Variants in TMEM94 observed in about 807,000 individuals in gnomAD.
The protein encoded by TMEM94 is transmembrane protein 94, also known as ER Mg2+ ATPase.
TMEM94 carries 81 observed loss-of-function variants against 158.6 expected under a neutral mutation model. The observed-to-expected ratio is 0.51, with a 90% CI of 0.43 to 0.61. The LOEUF (loss-of-function observed/expected upper bound fraction) is 0.61. TMEM94 is among the 20% of genes least tolerant of loss of function. TMEM94 has a pLI of 0.00. For synonymous variants in TMEM94, 751 were observed against 730.7 expected (o/e 1.03, Z -0.45); for missense variants, 1,435 against 1,762.0 (o/e 0.81, Z 3.32).
At chr17:75,463,008 TAAAAAAAAAAAAAAA>T (rs1217028321) in intron 1 of TMEM94, among the ~76,000 whole-genome samples, 1 of 5,684 alleles carries the variant, frequency 1.8e-4, no homozygotes, top group African/African-American at 1.9e-3. Context: ...ATAAAAAAAG[TAAAAAAAAAAAAAAA>T]AAAAAAAAAA....
intron 2 of TMEM94, among the ~76,000 whole-genome samples, chr17:75,473,588 C>T (rs2050571931): frequency 6.6e-6 from 1 of 152,182 alleles, no homozygotes; most frequent in South Asian, 2.1e-4. Context: ...TCTCTCCAGC[C>T]TGAGGAAGAA....
At position 75,462,013 on chromosome 17, in the gene TMEM94, T is replaced by G. The variant is rs1488124510; in HGVS notation, c.-107+5262T>G. Reference sequence around the variant, plus strand: ...TTTTTTTTGTTTTGTTTTGTTTTGTTTTTTTTTTTTTTGAGGCAGAGTCTT... The same window carrying G: ...TTTTTTTTGTTTTGTTTTGTTTTGTGTTTTTTTTTTTTGAGGCAGAGTCTT... On this transcript the variant is annotated intron_variant, in intron 1 of 31. Coordinates refer to ENST00000314256, the MANE Select transcript of TMEM94 (RefSeq NM_014738.6). Among the ~76,000 whole-genome samples the G allele has an allele frequency of 2.2e-4, 27 of 121,916 alleles. 1 individual carries two copies. The highest frequency in any genetic ancestry group is 7.6e-4 in the African/African-American group (26 of 34,366). The allele number at this position is 121,916 out of a possible 152,430, so 80.0% of individuals were successfully genotyped here.
At chr17:75,483,673 C>T (rs1042345150) in intron 2 of TMEM94, among the ~76,000 whole-genome samples, 1 of 151,954 alleles carries the variant, frequency 6.6e-6, no homozygotes, top group African/African-American at 2.4e-5. Flanking sequence ...TTGGCCTGGC[C>T]AGGCTGGTCT....
chr17:75,491,363 G>C lies in TMEM94; in HGVS notation c.1294G>C (p.Val432Leu). ...LSWPNPSPET[V>L]LFFSGKVEPP... ...ATGGCCAAATCCCAGCCCAGAGACTGTACTGTTCTTCAGCGGGAAGGTGGA... is the reference window on the plus strand; with the variant it reads ...ATGGCCAAATCCCAGCCCAGAGACTCTACTGTTCTTCAGCGGGAAGGTGGA... The change falls in exon 13 of 32, where the codon GTA becomes CTA. Residue 432 changes from valine (V) to leucine (L), a missense_variant. Around this residue, in one of 3 missense-constraint regions of TMEM94, gnomAD observed 1,051 missense variants for 1,254.4 expected, o/e 0.84. Transcript: ENST00000314256. The surrounding 1 kb of genome is among the most constrained non-coding windows in gnomAD (Gnocchi z 5.1). The C allele has an allele frequency of 6.2e-7, 1 of 1,614,158 alleles. No homozygotes were observed. Among genetic ancestry groups the C allele is most frequent in the Non-Finnish European group, 8.5e-7 (1 of 1,180,030 alleles).
chr17:75,457,467 C>T, intron 1 of TMEM94: 1 of 152,224 alleles, frequency 6.6e-6, no homozygotes, highest in South Asian at 2.1e-4. Flanking sequence ...CAAAGCCCCG[C>T]TCTTTCATTG....
At position 75,495,574 on chromosome 17, in the gene TMEM94, C is replaced by G. The variant is rs376274291; in HGVS notation, c.2875C>G (p.Arg959Gly). 1.1e-5 allele frequency: 17 copies of G among 1,613,542 alleles called. 1 individual carries two copies. The East Asian group carries it at 3.6e-4, about 34-fold the overall frequency. The change falls in exon 22 of 32, where the codon CGG (arginine) becomes GGG (glycine). Residue 959 changes from arginine (R) to glycine (G), a missense_variant. By Grantham distance (125) the Arg-to-Gly change is moderately radical. Transcript: ENST00000314256. This position sits in a 1 kb window ranked among gnomAD's most constrained non-coding sequence, Gnocchi z 5.6. ...GCTGCCCCGGGGTATCCACCAAGTG[C>G]GGCCCCACCTGCAGAACATTGACAA... ...AKLPRGIHQV[R>G]PHLQNIDNVP...
intron 2 of TMEM94, among the ~76,000 whole-genome samples, chr17:75,480,239 C>G (rs1343294914): frequency 6.6e-6 from 1 of 152,234 alleles, no homozygotes; most frequent in Non-Finnish European, 1.5e-5. Context: ...GCCCAGAACG[C>G]TGGGTCCTCA....
At position 75,491,811 on chromosome 17, in the gene TMEM94, C is replaced by G. The variant is rs1218540093; in HGVS notation, c.1507C>G (p.His503Asp). 1 of 1,614,000 alleles carries G rather than the reference C, an allele frequency of 6.2e-7. No homozygotes were observed. The highest frequency in any genetic ancestry group is 8.5e-7 in the Non-Finnish European group (1 of 1,180,054). The change falls in exon 14 of 32, where the codon CAC becomes GAC. Residue 503 changes from histidine to aspartate, a missense_variant. Physicochemically the swap from His to Asp is moderately conservative, Grantham distance 81. Transcript: ENST00000314256. The surrounding 1 kb of genome is among the most constrained non-coding windows in gnomAD (Gnocchi z 5.1). ...APKPPEPYSH[H>D]KAHGRSKHPS... ...CAAGCCCCCCGAGCCCTATTCACAC[C>G]ACAAAGCGCATGGCCGCAGCAAACA...
Position 75,493,847 on chromosome 17 carries a change from A to T in TMEM94, c.2338A>T (p.Thr780Ser), listed in dbSNP as rs758655799. ...GGTGCCCGGCCAAAGCAGCATCTTC[A>T]CCATGTGCGAGCTGCCCAGCACCAT... ...VQVPGQSSIF[T>S]MCELPSTIPI... The change falls in exon 18 of 32, where the codon ACC (threonine) becomes TCC (serine). Residue 780 changes from threonine (T) to serine (S), a missense_variant. Physicochemically the swap from Thr to Ser is moderately conservative, Grantham distance 58. Coordinates refer to ENST00000314256, the MANE Select transcript of TMEM94 (RefSeq NM_014738.6). 1 of 1,613,336 alleles carries T rather than the reference A, an allele frequency of 6.2e-7. No individual in the cohort carries two copies. Among genetic ancestry groups the T allele is most frequent in the South Asian group, 1.1e-5 (1 of 91,076 alleles).
Position 75,468,922 on chromosome 17 carries a change from G to A in TMEM94, c.-106-2878G>A, listed in dbSNP as rs370129171. Among the ~76,000 whole-genome samples, 16 of 152,272 alleles carry A rather than the reference G, an allele frequency of 1.1e-4. 1 individual carries two copies. The highest frequency in any genetic ancestry group is 9.7e-4 in the East Asian group (5 of 5,178). ...GTTAGTGCTTTCTCCAAGAGGAGTC[G>A]CTTGGCATCAAACCAGATTGCTCAG... On this transcript the variant is annotated intron_variant, in intron 1 of 31. Coordinates refer to ENST00000314256, the MANE Select transcript of TMEM94 (RefSeq NM_014738.6).
At chr17:75,462,263 G>A (rs188916773) in intron 1 of TMEM94, among the ~76,000 whole-genome samples, 1 of 151,756 alleles carries the variant, frequency 6.6e-6, no homozygotes, top group South Asian at 2.1e-4. Context: ...TGCCGGTCTC[G>A]ATCTCTTTAC....
rs115172070 is a variant in TMEM94, at chr17:75,488,002, G to A, written c.480G>A (p.Ala160=). The A allele has an allele frequency of 3.8e-4, 608 of 1,614,154 alleles. 3 individuals are homozygous for A. The African/African-American group carries it at 5.1e-3, about 14-fold the overall frequency. ...AMYPDLHMPF[A]PSWSLHWAYR... ...ATCCAGACCTCCACATGCCTTTTGC[G>A]CCATCCTGGTCCTTGCACTGGGCCT... The change falls in exon 6 of 32, where the codon GCG becomes GCA. Residue 160 remains alanine (A), a synonymous_variant. Coordinates refer to ENST00000314256, the MANE Select transcript of TMEM94 (RefSeq NM_014738.6).
At chr17:75,476,609 C>G in intron 2 of TMEM94, 2 of 1,522,890 alleles carry the variant, frequency 1.3e-6, no homozygotes, top group East Asian at 2.5e-5. Flanking sequence ...TCTTCTCTCT[C>G]TCTCTCTTTT....
Position 75,485,522 on chromosome 17 carries a change from A to T in TMEM94, c.119A>T (p.Glu40Val). The T allele has an allele frequency of 6.2e-7, 1 of 1,614,106 alleles. No homozygotes were observed. ...GCAGTGCTGGAAGGACATCTCAGGG[A>T]GCGGAAGAAGTGTCTGACGTGGAAG... ...LEAVLEGHLR[E>V]RKKCLTWKEV... Residue 40 changes from glutamate (E) to valine (V), a missense_variant, in exon 3 of 32, where the codon GAG becomes GTG. Physicochemically the swap from Glu to Val is moderately radical, Grantham distance 121 (BLOSUM62 -2). Around this residue, in one of 3 missense-constraint regions of TMEM94, gnomAD observed 1,051 missense variants for 1,254.4 expected, o/e 0.84. Transcript: ENST00000314256. This position sits in a 1 kb window ranked among gnomAD's most constrained non-coding sequence, Gnocchi z 5.5.
At chr17:75,472,002 C>G in intron 2 of TMEM94, 73 bp downstream of exon 2, 3 of 1,509,222 alleles carry the variant, frequency 2.0e-6, no homozygotes, top group Non-Finnish European at 2.8e-6. Context: ...TTGTTTTTGC[C>G]TGGGAGATCC....
At chr17:75,471,747 C>T (rs2050512410) in intron 1 of TMEM94, 53 bp from the exon 2 acceptor site, 1 of 664,366 alleles carries the variant, frequency 1.5e-6, no homozygotes, top group South Asian at 1.8e-5. Flanking sequence ...TTGTGTTTCA[C>T]AGTAGCTGCC....
chr17:75,491,979 C>T lies in TMEM94; in HGVS notation c.1596+79C>T. 1 of 1,413,340 alleles carries T rather than the reference C, an allele frequency of 7.1e-7. No homozygotes were observed. Among genetic ancestry groups the T allele is most frequent in the Non-Finnish European group, 9.7e-7 (1 of 1,026,238 alleles). 87.5% of individuals were successfully genotyped at this position (1,413,340 alleles called of 1,614,324 possible). A position where few individuals can be genotyped will look rare whatever the true frequency, so the allele number is the denominator to read the frequency against. On this transcript the variant is annotated intron_variant, in intron 14 of 31. Transcript: ENST00000314256. This position sits in a 1 kb window ranked among gnomAD's most constrained non-coding sequence, Gnocchi z 5.1. Reference sequence around the variant, plus strand: ...GGCCTCCCTGGCCAGCCTGGCCTCACAAGGTCTGAAAGAGCAGGCGTCTCT... The same window carrying T: ...GGCCTCCCTGGCCAGCCTGGCCTCATAAGGTCTGAAAGAGCAGGCGTCTCT...
At chr17:75,457,835 C>T (rs1238680441) in intron 1 of TMEM94, 2 of 152,166 alleles carry the variant, frequency 1.3e-5, no homozygotes, top group African/African-American at 4.8e-5. Context: ...GGCTTGAGTT[C>T]TTTATCCGCT....
rs1311995545 is a variant in TMEM94, at chr17:75,491,458, A to C, written c.1386+3A>C. The C allele has an allele frequency of 1.2e-6, 2 of 1,613,888 alleles. No individual in the cohort carries two copies. The highest frequency in any genetic ancestry group is 3.3e-5 in the Admixed American group (2 of 60,002). On this transcript the variant is annotated splice_donor_region_variant and intron_variant, in intron 13 of 31. Transcript: ENST00000314256. This position sits in a 1 kb window ranked among gnomAD's most constrained non-coding sequence, Gnocchi z 5.1. Reference sequence around the variant, plus strand: ...CCCGCTCCTTCTGCCATCCCGAGGTAGAGGAGGAGGTACGGCCGGCTCCCA... The same window carrying C: ...CCCGCTCCTTCTGCCATCCCGAGGTCGAGGAGGAGGTACGGCCGGCTCCCA...
Sources: allele counts gnomAD v4.1 joint callset (sites outside exome capture counted in the v4.1 genomes callset), GRCh38; gene constraint gnomAD v4.1.1; regional missense constraint gnomAD v4.1.1; non-coding constraint Gnocchi (gnomAD v3.1); transcripts MANE v1.5; gene names NCBI Gene and HGNC (gene_info 2026-07-23, HGNC 2026-07-21).